The following MGAT5B variants were observed in gnomAD, a reference collection of about 807,000 sequenced individuals.
MGAT5B encodes alpha-1,6-mannosylglycoprotein 6-beta-N-acetylglucosaminyltransferase B.
MGAT5B carries 54 observed loss-of-function variants against 95.1 expected under a neutral mutation model. That is an observed-to-expected ratio of 0.57 (90% CI 0.46 to 0.71). The LOEUF is 0.71. MGAT5B is among the 30% of genes least tolerant of loss of function. The probability of loss-of-function intolerance (pLI) is 0.00; values close to 1 mark genes in which losing one functional copy is unlikely to be tolerated. For missense variants in MGAT5B, 935 were observed against 1,088.6 expected (o/e 0.86, Z 1.99); for synonymous variants, 464 against 451.0 (o/e 1.03, Z -0.36).
chr17:76,916,754 G>A lies in MGAT5B; in HGVS notation c.1026-8212G>A, dbSNP rs986732098. On this transcript the variant is annotated intron_variant, in intron 8 of 17. Coordinates refer to ENST00000569840, the MANE Select transcript of MGAT5B (RefSeq NM_001199172.2). The surrounding 1 kb of genome is among the most constrained non-coding windows in gnomAD (Gnocchi z 5.3). ...TGAATCTCAGGGGTCGTGGGTTCTCGAGAAGGGATGAGGGGACCAGTGTTC... is the reference window on the plus strand; with the variant it reads ...TGAATCTCAGGGGTCGTGGGTTCTCAAGAAGGGATGAGGGGACCAGTGTTC... 6.6e-6 allele frequency among the ~76,000 whole-genome samples: 1 copy of A among 152,206 alleles called. No homozygotes were observed. Among genetic ancestry groups the A allele is most frequent in the Non-Finnish European group, 1.5e-5 (1 of 68,038 alleles).
intron 12 of MGAT5B, among the ~76,000 whole-genome samples, chr17:76,936,263 C>T (rs1002800983): frequency 9.9e-5 from 15 of 152,088 alleles, no homozygotes; most frequent in African/African-American, 3.6e-4. Context: ...AAAAGATTAG[C>T]CACGTGTGGT....
intron 12 of MGAT5B, among the ~76,000 whole-genome samples, chr17:76,936,285 G>T (rs1048933292): frequency 6.6e-6 from 1 of 152,130 alleles, no homozygotes; most frequent in Non-Finnish European, 1.5e-5. Context: ...GCGTGCGCCC[G>T]TAGTCCCAGC....
chr17:76,887,681 G>T lies in MGAT5B; in HGVS notation c.329+5383G>T, dbSNP rs528465737. On this transcript the variant is annotated intron_variant, in intron 3 of 17. Transcript: ENST00000569840. ...CAATTCTCCCGCCTCAGCCTCCCAA[G>T]TACCTGGGATTACAGGCGTGCACCA... Among the ~76,000 whole-genome samples, 8 of 150,484 alleles carry T rather than the reference G, an allele frequency of 5.3e-5. No individual in the cohort carries two copies. The East Asian group carries it at 1.2e-3, about 22-fold the overall frequency.
chr17:76,898,916 C>T (rs994162555), intron 3 of MGAT5B, among the ~76,000 whole-genome samples: 6 of 152,170 alleles, frequency 3.9e-5, no homozygotes, highest in African/African-American at 1.4e-4. Flanking sequence ...AGCACAGGGC[C>T]CACGCTGGCC....
intron 15 of MGAT5B, among the ~76,000 whole-genome samples, chr17:76,944,442 A>T (rs2145286686): frequency 6.6e-6 from 1 of 152,116 alleles, no homozygotes; most frequent in South Asian, 2.1e-4. Context: ...TCCCCGCAAG[A>T]CCCCCAGAAG....
At chr17:76,942,240 A>G (rs1002522525) in intron 15 of MGAT5B, among the ~76,000 whole-genome samples, 22 of 152,280 alleles carry the variant, frequency 1.4e-4, no homozygotes, top group African/African-American at 4.6e-4. Flanking sequence ...AGCAAAAGCA[A>G]CTAGAGGCCA....
chr17:76,882,420 A>C, intron 3 of MGAT5B, 122 bp downstream of exon 3: 1 of 1,232,548 alleles, frequency 8.1e-7, no homozygotes. Context: ...ACACTGTGGT[A>C]CAGCCCAGAG....
chr17:76,933,729 G>A (rs984337676), intron 12 of MGAT5B, among the ~76,000 whole-genome samples: 1 of 152,160 alleles, frequency 6.6e-6, no homozygotes, highest in Non-Finnish European at 1.5e-5. Context: ...GATTAGATCT[G>A]GCTGTCGCAG....
Position 76,918,338 on chromosome 17 carries a change from A to G in MGAT5B, c.1026-6628A>G, listed in dbSNP as rs943632230. On this transcript the variant is annotated intron_variant, in intron 8 of 17. Coordinates refer to ENST00000569840, the MANE Select transcript of MGAT5B (RefSeq NM_001199172.2). This position sits in a 1 kb window ranked among gnomAD's most constrained non-coding sequence, Gnocchi z 5.1. Reference sequence around the variant, plus strand: ...ACCCTGAGGGGGCCTGGCAGTTCTCAGCTGTAGCCCTGAACCCTCGAGGGC... The same window carrying G: ...ACCCTGAGGGGGCCTGGCAGTTCTCGGCTGTAGCCCTGAACCCTCGAGGGC... 2.6e-5 allele frequency among the ~76,000 whole-genome samples: 4 copies of G among 152,096 alleles called. No individual in the cohort carries two copies. Among genetic ancestry groups the G allele is most frequent in the African/African-American group, 9.7e-5 (4 of 41,438 alleles).
In MGAT5B at chr17:76,916,026, T is replaced by C. The variant is rs1321856156; in HGVS notation, c.1026-8940T>C. On this transcript the variant is annotated intron_variant, in intron 8 of 17. Transcript: ENST00000569840. This position sits in a 1 kb window ranked among gnomAD's most constrained non-coding sequence, Gnocchi z 5.3. ...AGGGAGCAGGCGCCGGCATGCCGAG[T>C]GTGGCGGGGTCACGTTGAGTGCCGC... 6.6e-6 allele frequency among the ~76,000 whole-genome samples: 1 copy of C among 152,162 alleles called. No individual in the cohort carries two copies. The highest frequency in any genetic ancestry group is 2.4e-5 in the African/African-American group (1 of 41,450).
chr17:76,932,853 C>A, intron 11 of MGAT5B, 78 bp downstream of exon 11: 6 of 1,548,958 alleles, frequency 3.9e-6, no homozygotes, highest in Non-Finnish European at 5.2e-6. Flanking sequence ...TCTCCTCCTT[C>A]CAGGATGCGG....
intron 8 of MGAT5B, chr17:76,913,585 TG>T: frequency 2.4e-6 from 1 of 418,848 alleles, no homozygotes; most frequent in South Asian, 1.7e-5. Context: ...TTGAACACAG[TG>T]TGGTTGAAAT....
chr17:76,936,018 C>T (rs1003097488), intron 12 of MGAT5B, among the ~76,000 whole-genome samples: 49 of 148,700 alleles, frequency 3.3e-4, no homozygotes, highest in African/African-American at 9.2e-4. Flanking sequence ...CCATTCGGGT[C>T]GCAAACTCCT....
chr17:76,893,384 C>G (rs947800254), intron 3 of MGAT5B, among the ~76,000 whole-genome samples: 2 of 152,208 alleles, frequency 1.3e-5, no homozygotes, highest in African/African-American at 4.8e-5. Flanking sequence ...AGCCTCCCCT[C>G]TCCCTGACTC....
rs1372198066 is a variant in MGAT5B, at chr17:76,938,034, A to G, written c.1475A>G (p.His492Arg). 1.2e-6 allele frequency: 2 copies of G among 1,614,254 alleles called. No individual in the cohort carries two copies. The highest frequency in any genetic ancestry group is 1.7e-6 in the Non-Finnish European group (2 of 1,180,036). The change falls in exon 13 of 18, where the codon CAT becomes CGT. Residue 492 changes from histidine to arginine, a missense_variant. Coordinates refer to ENST00000569840, the MANE Select transcript of MGAT5B (RefSeq NM_001199172.2). The surrounding 1 kb of genome is among the most constrained non-coding windows in gnomAD (Gnocchi z 4.3). ...LGILNKYMEI[H>R]GTVYYESQRP... ...ATCCTGAACAAATACATGGAGATCC[A>G]TGGCACCGTGTACTACGAGAGCCAG...
At chr17:76,907,046 A>T (rs1339920791) in intron 8 of MGAT5B, among the ~76,000 whole-genome samples, 1 of 148,566 alleles carries the variant, frequency 6.7e-6, no homozygotes, top group Non-Finnish European at 1.5e-5. Flanking sequence ...TGTGTATATT[A>T]TTCCTTTGCT....
chr17:76,945,181 A>G (rs1205812897), intron 15 of MGAT5B, among the ~76,000 whole-genome samples: 1 of 151,006 alleles, frequency 6.6e-6, no homozygotes, highest in African/African-American at 2.4e-5. Context: ...AGGCAGGAGT[A>G]CCCCCTTACT....
intron 13 of MGAT5B, among the ~76,000 whole-genome samples, chr17:76,939,262 G>A (rs1013455948): frequency 6.6e-6 from 1 of 151,988 alleles, no homozygotes; most frequent in Non-Finnish European, 1.5e-5. Flanking sequence ...CACTTTGGGA[G>A]GCCGAGGTGG....
chr17:76,871,332 G>T (rs1402448637), intron 1 of MGAT5B, among the ~76,000 whole-genome samples: 1 of 152,184 alleles, frequency 6.6e-6, no homozygotes, highest in African/African-American at 2.4e-5. Flanking sequence ...GGAATTCCGT[G>T]AGGCGTCCCT....
Sources: gnomAD v4.1 joint callset for allele counts (sites outside exome capture counted in the v4.1 genomes callset) on GRCh38, gnomAD v4.1.1 for gene constraint, Gnocchi (gnomAD v3.1) non-coding constraint, MANE v1.5 for transcripts, NCBI Gene and HGNC (gene_info 2026-07-23, HGNC 2026-07-21) for gene names.